Variants in NEGR1 observed in about 807,000 individuals in gnomAD.
NEGR1 encodes neuronal growth regulator 1, also known as IgLON family member 4.
In NEGR1, 10 loss-of-function variants were observed where a neutral mutation model predicts 40.9. The ratio of observed to expected loss-of-function variants is 0.24; its 90% CI spans 0.15 to 0.42. The LOEUF (loss-of-function observed/expected upper bound fraction) is 0.42. Among genes scored for constraint, NEGR1 ranks in the 10% least tolerant of loss-of-function variants. The pLI, the probability that NEGR1 is intolerant of heterozygous loss-of-function variation, is 1.00. For missense variants in NEGR1, 352 were observed against 438.9 expected (o/e 0.80, Z 1.77); for synonymous variants, 185 against 166.8 (o/e 1.11, Z -0.84).
chr1:71,414,478 G>A (rs544406568), intron 6 of NEGR1, among the ~76,000 whole-genome samples: 3 of 152,184 alleles, frequency 2.0e-5, no homozygotes, highest in Admixed American at 6.5e-5. Context: ...ATATAAATTT[G>A]GATTATAGTA....
chr1:71,808,157 C>T (rs901762740), intron 2 of NEGR1, among the ~76,000 whole-genome samples: 5 of 152,066 alleles, frequency 3.3e-5, no homozygotes, highest in African/African-American at 1.2e-4. Flanking sequence ...CCACCAAACA[C>T]CAAAAAGTTG....
At chr1:72,064,183 T>C (rs12131816) in intron 1 of NEGR1, among the ~76,000 whole-genome samples, 58,129 of 151,800 alleles carry the variant, frequency 0.38, 12,117 homozygotes, top group East Asian at 0.6. Context: ...GTCTGTGTCA[T>C]TTATTTTGTA....
chr1:72,086,820 GTATT>G (rs1306059552), intron 1 of NEGR1, among the ~76,000 whole-genome samples: 5 of 151,946 alleles, frequency 3.3e-5, no homozygotes, highest in African/African-American at 1.2e-4. Context: ...ACTTTTTAAA[GTATT>G]TATTAATCAT....
chr1:71,729,208 G>T (rs1225939048), intron 3 of NEGR1, among the ~76,000 whole-genome samples: 1 of 152,010 alleles, frequency 6.6e-6, no homozygotes, highest in Non-Finnish European at 1.5e-5. Context: ...ACCACCAGTT[G>T]TGTGCAAAAT....
chr1:71,741,485 T>C lies in NEGR1; in HGVS notation c.535+34687A>G, dbSNP rs543160494. ...GGTTGATCTTTCTGGAAAAACTCAT[T>C]AATCTCTCCAAATATCCATTCACCC... is the stretch of plus-strand genomic sequence containing the variant. On this transcript the variant is annotated intron_variant, in intron 3 of 6. Coordinates refer to ENST00000357731, the MANE Select transcript of NEGR1 (RefSeq NM_173808.3). Among the ~76,000 whole-genome samples the C allele has an allele frequency of 9.8e-5, 15 of 152,292 alleles. No individual in the cohort carries two copies. In the South Asian group the frequency reaches 2.9e-3, roughly 29 times the overall value.
intron 2 of NEGR1, among the ~76,000 whole-genome samples, chr1:71,915,173 CA>C (rs1661538771): frequency 6.6e-6 from 1 of 151,944 alleles, no homozygotes; most frequent in South Asian, 2.1e-4. Context: ...GCAAGAATCT[CA>C]TTAATTCTGA....
intron 1 of NEGR1, among the ~76,000 whole-genome samples, chr1:72,251,180 T>C (rs534340380): frequency 2.6e-5 from 4 of 152,300 alleles, no homozygotes; most frequent in East Asian, 1.9e-4. Context: ...AAGTAGACTA[T>C]GACATAGTAC....
intron 2 of NEGR1, among the ~76,000 whole-genome samples, chr1:71,842,793 A>T (rs1659287065): frequency 6.6e-6 from 1 of 152,194 alleles, no homozygotes; most frequent in Non-Finnish European, 1.5e-5. Flanking sequence ...TCATTAAATT[A>T]ACATCATTAT....
chr1:72,187,650 C>G (rs998179162), intron 1 of NEGR1, among the ~76,000 whole-genome samples: 1 of 112,504 alleles, frequency 8.9e-6, no homozygotes, highest in Admixed American at 1.0e-4. Flanking sequence ...CATGTTGAAA[C>G]AGACAATCCA....
At chr1:71,569,133 G>C (rs527302885) in intron 6 of NEGR1, among the ~76,000 whole-genome samples, 15 of 152,140 alleles carry the variant, frequency 9.9e-5, no homozygotes, top group Admixed American at 9.8e-4. Flanking sequence ...AGCCAAGATG[G>C]TCTTGATCTC....
chr1:71,925,428 T>G (rs1291442445), intron 2 of NEGR1, among the ~76,000 whole-genome samples: 1 of 152,194 alleles, frequency 6.6e-6, no homozygotes, highest in African/African-American at 2.4e-5. Context: ...AAGGGATGGG[T>G]GGCGAAGTAT....
chr1:71,419,504 T>TAAC (rs1310586206), intron 6 of NEGR1, among the ~76,000 whole-genome samples: 1 of 152,308 alleles, frequency 6.6e-6, no homozygotes, highest in South Asian at 2.1e-4. Flanking sequence ...ATACTCTTAA[T>TAAC]AACAACAACA....
In NEGR1 at chr1:71,688,423, T is replaced by TATATAAAAGATAC. The variant is rs1653132929; in HGVS notation, c.667+9584_667+9585insGTATCTTTTATAT. ...ATATATAAGATATATATAAAAGATATATATATAAAAGATATATATATAAAA... is the reference window on the plus strand; with the variant it reads ...ATATATAAGATATATATAAAAGATATATATAAAAGATACATATATAAAAGATATATATATAAAA... On this transcript the variant is annotated intron_variant, in intron 4 of 6. Transcript: ENST00000357731. 2.8e-5 allele frequency among the ~76,000 whole-genome samples: 4 copies of TATATAAAAGATAC among 142,004 alleles called. 1 individual carries two copies. Among genetic ancestry groups the TATATAAAAGATAC allele is most frequent in the Non-Finnish European group, 6.1e-5 (4 of 65,830 alleles). 93.2% of individuals were successfully genotyped at this position (142,004 alleles called of 152,430 possible).
At chr1:71,587,545 T>C (rs749455381) in intron 6 of NEGR1, among the ~76,000 whole-genome samples, 4 of 152,126 alleles carry the variant, frequency 2.6e-5, no homozygotes, top group Non-Finnish European at 5.9e-5. Flanking sequence ...ACAAGGCTGC[T>C]AAGGCAGGGA....
At chr1:71,549,086 AT>A (rs1380654737) in intron 6 of NEGR1, among the ~76,000 whole-genome samples, 2 of 151,704 alleles carry the variant, frequency 1.3e-5, no homozygotes, top group African/African-American at 2.4e-5. Flanking sequence ...CAGAGAAACC[AT>A]CTGTGTCTAG....
intron 1 of NEGR1, among the ~76,000 whole-genome samples, chr1:72,181,997 A>G (rs1343975143): frequency 1.3e-5 from 2 of 152,180 alleles, no homozygotes; most frequent in East Asian, 3.9e-4. Flanking sequence ...GACCAGAGGT[A>G]ATAAAATTTC....
chr1:71,483,737 G>T (rs1002974302), intron 6 of NEGR1, among the ~76,000 whole-genome samples: 2 of 151,762 alleles, frequency 1.3e-5, no homozygotes, highest in Non-Finnish European at 1.5e-5. Flanking sequence ...CAGCAGTGAT[G>T]TCAGGTGTGT....
chr1:71,935,350 A>T (rs1468780494), intron 1 of NEGR1, 39 bp from the exon 2 acceptor site: 2 of 1,349,270 alleles, frequency 1.5e-6, no homozygotes, highest in African/African-American at 2.9e-5. Flanking sequence ...TAATCAAAAT[A>T]AAAATGAGAG....
chr1:71,811,483 G>T (rs1657998299), intron 2 of NEGR1, among the ~76,000 whole-genome samples: 1 of 151,838 alleles, frequency 6.6e-6, no homozygotes, highest in South Asian at 2.1e-4. Context: ...CTTGGCCCAA[G>T]TCAGTGGCTA....
Sources: gnomAD v4.1 joint callset for allele counts (sites outside exome capture counted in the v4.1 genomes callset) on GRCh38, gnomAD v4.1.1 for gene constraint, MANE v1.5 for transcripts, NCBI Gene and HGNC (gene_info 2026-07-23, HGNC 2026-07-21) for gene names.